NTM: variants seen among roughly 807,000 people sequenced by gnomAD.
The protein encoded by NTM is neurotrimin.
Under a neutral mutation model 42.1 loss-of-function variants are expected in NTM, and 13 were observed. That is an observed-to-expected ratio of 0.31 (90% CI 0.20 to 0.49). NTM has a LOEUF of 0.49. Ranked by LOEUF, NTM falls within the 20% of genes least tolerant of loss-of-function variation. The pLI is 0.99. For synonymous variants in NTM, 187 were observed against 179.2 expected, an observed-to-expected ratio of 1.04 and a Z score of -0.35; for missense variants, 373 against 452.8, an observed-to-expected ratio of 0.82 and a Z score of 1.60.
intron 7 of NTM, among the ~76,000 whole-genome samples, chr11:132,321,887 G>C (rs1222052124): frequency 6.7e-6 from 1 of 149,386 alleles, no homozygotes; most frequent in Non-Finnish European, 1.5e-5. Flanking sequence ...CATTCTTAAA[G>C]AAAAGAATTT....
chr11:131,789,845 A>G (rs1450911341), intron 1 of NTM, among the ~76,000 whole-genome samples: 2 of 150,498 alleles, frequency 1.3e-5, no homozygotes, highest in African/African-American at 2.4e-5. Flanking sequence ...AGTCCCAGCT[A>G]CACGGGAGGC....
At chr11:132,214,013 C>T (rs1324699453) in intron 4 of NTM, among the ~76,000 whole-genome samples, 2 of 61,392 alleles carry the variant, frequency 3.3e-5, no homozygotes, top group South Asian at 4.4e-4. Flanking sequence ...GGATTACAGG[C>T]GTGAGCCACC....
intron 1 of NTM, among the ~76,000 whole-genome samples, chr11:131,614,070 G>A (rs2061690046): frequency 6.6e-6 from 1 of 152,210 alleles, no homozygotes. Flanking sequence ...GGTGCACCAT[G>A]GGGCGGAGAT....
intron 2 of NTM, among the ~76,000 whole-genome samples, chr11:132,138,050 T>G (rs1020604689): frequency 7.9e-5 from 12 of 152,202 alleles, no homozygotes; most frequent in African/African-American, 2.2e-4. Flanking sequence ...CTCCTCCTAC[T>G]GCTGGACATG....
intron 1 of NTM, among the ~76,000 whole-genome samples, chr11:131,547,107 A>T (rs2054047693): frequency 1.3e-5 from 2 of 152,124 alleles, no homozygotes; most frequent in African/African-American, 4.8e-5. Context: ...TCAGAATTTT[A>T]TTGATGTTAT....
chr11:132,120,917 C>T (rs115965507), intron 2 of NTM, among the ~76,000 whole-genome samples: 178 of 152,002 alleles, frequency 1.2e-3, no homozygotes, highest in African/African-American at 3.9e-3. Context: ...GTGGGGAGTG[C>T]GTGTGTGTGT....
chr11:132,075,137 C>G (rs970084739), intron 2 of NTM, among the ~76,000 whole-genome samples: 1 of 152,034 alleles, frequency 6.6e-6, no homozygotes, highest in Non-Finnish European at 1.5e-5. Flanking sequence ...CTAAAATAAG[C>G]AAATTCATAG....
chr11:132,053,249 G>A (rs1429210986), intron 2 of NTM, among the ~76,000 whole-genome samples: 1 of 152,336 alleles, frequency 6.6e-6, no homozygotes, highest in East Asian at 1.9e-4. Context: ...CACCTGACAA[G>A]TGATGGAGAT....
chr11:132,132,330 C>T (rs1335643976), intron 2 of NTM, among the ~76,000 whole-genome samples: 2 of 152,314 alleles, frequency 1.3e-5, no homozygotes, highest in African/African-American at 4.8e-5. Context: ...CTTTCTGTAT[C>T]CGTCCGGTGT....
intron 2 of NTM, among the ~76,000 whole-genome samples, chr11:132,075,065 G>A (rs1438654836): frequency 6.6e-6 from 1 of 152,166 alleles, no homozygotes; most frequent in Non-Finnish European, 1.5e-5. Context: ...AGGACATTAT[G>A]CTGAATGAAA....
chr11:132,138,610 CTA>C (rs2068454717), intron 2 of NTM, among the ~76,000 whole-genome samples: 1 of 80,582 alleles, frequency 1.2e-5, no homozygotes, highest in Admixed American at 1.2e-4. Context: ...ATCTATCTAT[CTA>C]TCTATCTATT....
chr11:131,831,878 G>T (rs1221008005), intron 1 of NTM, among the ~76,000 whole-genome samples: 1 of 149,946 alleles, frequency 6.7e-6, no homozygotes, highest in East Asian at 2.0e-4. Flanking sequence ...AAGCATAAAA[G>T]GTCCCAAAAT....
chr11:132,238,035 T>A (rs1488988817), intron 4 of NTM, among the ~76,000 whole-genome samples: 1 of 152,176 alleles, frequency 6.6e-6, no homozygotes, highest in Non-Finnish European at 1.5e-5. Context: ...AGACCAATTG[T>A]TTTACAGCAG....
At chr11:131,519,067 A>C (rs1468163962) in intron 1 of NTM, among the ~76,000 whole-genome samples, 1 of 152,228 alleles carries the variant, frequency 6.6e-6, no homozygotes, top group Non-Finnish European at 1.5e-5. Context: ...GATGTCTTGA[A>C]GTAGTGCTAG....
intron 1 of NTM, among the ~76,000 whole-genome samples, chr11:131,682,038 G>C (rs527868229): frequency 6.6e-6 from 1 of 152,098 alleles, no homozygotes; most frequent in Admixed American, 6.5e-5. Flanking sequence ...AAAGTACACC[G>C]AGGACCCAGC....
chr11:131,542,771 G>A (rs572242352), intron 1 of NTM, among the ~76,000 whole-genome samples: 2 of 152,152 alleles, frequency 1.3e-5, no homozygotes. Flanking sequence ...TGAAAACCAG[G>A]GAGGGAGGGA....
chr11:131,525,038 C>T (rs2050266030), intron 1 of NTM, among the ~76,000 whole-genome samples: 1 of 151,848 alleles, frequency 6.6e-6, no homozygotes, highest in Non-Finnish European at 1.5e-5. Flanking sequence ...TAAGTAATTT[C>T]TGAATGGAGT....
At chr11:131,485,734 G>A (rs1386425018) in intron 1 of NTM, among the ~76,000 whole-genome samples, 1 of 152,170 alleles carries the variant, frequency 6.6e-6, no homozygotes, top group Non-Finnish European at 1.5e-5. Flanking sequence ...ATCCCGAATG[G>A]GAAACTGGGA....
At chr11:132,276,024 G>T (rs1283431926) in intron 4 of NTM, among the ~76,000 whole-genome samples, 1 of 151,564 alleles carries the variant, frequency 6.6e-6, no homozygotes, top group Non-Finnish European at 1.5e-5. Flanking sequence ...GATAACGACT[G>T]TTCTACTGTT....
Sources: gnomAD v4.1 joint callset for allele counts (sites outside exome capture counted in the v4.1 genomes callset) on GRCh38, gnomAD v4.1.1 for gene constraint, MANE v1.5 for transcripts, NCBI Gene and HGNC (gene_info 2026-07-23, HGNC 2026-07-21) for gene names.